GDAP2: variants seen among roughly 807,000 people sequenced by gnomAD.
GDAP2 encodes ganglioside-induced differentiation-associated protein 2.
Under a neutral mutation model 67.0 loss-of-function variants are expected in GDAP2, and 51 were observed. The ratio of observed to expected loss-of-function variants is 0.76; its 90% confidence interval spans 0.61 to 0.96. The LOEUF is 0.96. GDAP2 is among the 40% of genes least tolerant of loss of function. The pLI, the probability that GDAP2 is intolerant of heterozygous loss-of-function variation, is 0.00. For missense variants in GDAP2, 547 were observed against 588.3 expected (o/e 0.93, Z 0.73); for synonymous variants, 203 against 207.3 (o/e 0.98, Z 0.18).
At chr1:117,894,133 C>A (rs1649183684) in intron 8 of GDAP2, among the ~76,000 whole-genome samples, 1 of 151,690 alleles carries the variant, frequency 6.6e-6, no homozygotes, top group African/African-American at 2.4e-5. Context: ...AAAAATAAGT[C>A]TCAATAACAT....
At chr1:117,898,764 T>C (rs1286986628) in intron 7 of GDAP2, among the ~76,000 whole-genome samples, 3 of 152,230 alleles carry the variant, frequency 2.0e-5, no homozygotes, top group Non-Finnish European at 2.9e-5. Context: ...TAACGTACTT[T>C]ACTATCTCAA....
Position 117,883,622 on chromosome 1 carries a change from G to A in GDAP2, c.1113C>T (p.Leu371=), listed in dbSNP as rs1648747231. The A allele has an allele frequency of 6.2e-7, 1 of 1,600,308 alleles. No homozygotes were observed. The highest frequency in any genetic ancestry group is 8.6e-7 in the Non-Finnish European group (1 of 1,168,998). ...PVTLIDMDKA[L]LYFIHVMDHI... is the part of the protein sequence containing the mutation. ...GATCCATTACATGAATGAAATATAAGAGAGCCTAAAAGATAAAAGGGGAAT... is the reference window on the plus strand; with the variant it reads ...GATCCATTACATGAATGAAATATAAAAGAGCCTAAAAGATAAAAGGGGAAT... The change falls in exon 11 of 14, where the codon CTC becomes CTT. Residue 371 remains leucine (L), a synonymous_variant. Coordinates refer to ENST00000369443, the MANE Select transcript of GDAP2 (RefSeq NM_017686.4).
intron 8 of GDAP2, among the ~76,000 whole-genome samples, chr1:117,895,414 C>A (rs148828043): frequency 1.3e-5 from 2 of 152,014 alleles, no homozygotes; most frequent in African/African-American, 4.8e-5. Flanking sequence ...ACACTGCTAT[C>A]TTTCTCAATA....
intron 12 of GDAP2, among the ~76,000 whole-genome samples, chr1:117,880,236 C>A (rs1355099846): frequency 6.6e-6 from 1 of 151,992 alleles, no homozygotes; most frequent in East Asian, 1.9e-4. Context: ...GACTGAGAAG[C>A]AGCAGCTAGA....
At chr1:117,925,668 C>G (rs1044105961) in intron 1 of GDAP2, among the ~76,000 whole-genome samples, 1 of 152,276 alleles carries the variant, frequency 6.6e-6, no homozygotes, top group South Asian at 2.1e-4. Flanking sequence ...AGAATTTGGA[C>G]TCTGTTATCA....
At chr1:117,899,293 A>G (rs1649367326) in intron 6 of GDAP2, 77 bp from the exon 7 acceptor site, 3 of 957,180 alleles carry the variant, frequency 3.1e-6, no homozygotes, top group Admixed American at 1.8e-5. Flanking sequence ...AGTGCTGTTC[A>G]TACACTGTGA....
chr1:117,918,797 T>C (rs112768030), intron 2 of GDAP2, 61 bp from the exon 3 acceptor site: 12 of 1,319,848 alleles, frequency 9.1e-6, no homozygotes, highest in African/African-American at 4.4e-5. Flanking sequence ...ACCTAGTTTC[T>C]AATTATTTCA....
At position 117,920,346 on chromosome 1, in the gene GDAP2, T is replaced by C. The variant is rs1311834031; in HGVS notation, c.12A>G (p.Leu4=). ...CATCCACAAACTGGGAAGGTGCACCTAAGGGATCCATGGAATGGGAACTTT... is the reference window on the plus strand; with the variant it reads ...CATCCACAAACTGGGAAGGTGCACCCAAGGGATCCATGGAATGGGAACTTT... MDP[L]GAPSQFVDVD... is the part of the protein sequence containing the mutation. The change falls in exon 2 of 14, where the codon TTA becomes TTG. Residue 4 remains leucine, a synonymous_variant. Transcript: ENST00000369443. The C allele has an allele frequency of 2.5e-6, 4 of 1,596,682 alleles. No homozygotes were observed. In the Admixed American group the frequency reaches 7.1e-5, roughly 28 times the overall value.
rs1648203162 is a variant in GDAP2, at chr1:117,870,114, C to T, written c.*455G>A. On this transcript the variant is annotated 3_prime_UTR_variant, in exon 14 of 14. Coordinates refer to ENST00000369443, the MANE Select transcript of GDAP2 (RefSeq NM_017686.4). The stretch of plus-strand genomic sequence containing the variant: ...AGCCAAATTATCTTTATAAAATATA[C>T]ATGGTATTAACACCATGGATCTGAA... 1 of 153,446 alleles carries T rather than the reference C, an allele frequency of 6.5e-6. No individual in the cohort carries two copies. The highest frequency in any genetic ancestry group is 1.4e-5 in the Non-Finnish European group (1 of 69,024). The allele number at this position is 153,446 out of a possible 1,614,324, so 9.5% of individuals were successfully genotyped here. A position where few individuals can be genotyped will look rare whatever the true frequency, so the allele number is the denominator to read the frequency against.
chr1:117,888,435 G>C (rs1648945913), intron 8 of GDAP2, among the ~76,000 whole-genome samples: 3 of 152,124 alleles, frequency 2.0e-5, no homozygotes, highest in Admixed American at 2.0e-4. Context: ...AGCTGGAAGA[G>C]ACATTAAAGA....
Position 117,883,740 on chromosome 1 carries a change from C to T in GDAP2, c.1108-113G>A, listed in dbSNP as rs1434408244. 3.9e-5 allele frequency: 25 copies of T among 639,662 alleles called. No individual in the cohort carries two copies. The East Asian group carries it at 7.2e-4, about 18-fold the overall frequency. The allele number at this position is 639,662 out of a possible 1,614,324, so 39.6% of individuals were successfully genotyped here. ...ATAGAAAATTAACCTACTCTATGCC[C>T]TAGTCATCATAAATGGATAACTCAG... is the stretch of plus-strand genomic sequence containing the variant. On this transcript the variant is annotated intron_variant, in intron 10 of 13. Transcript: ENST00000369443.
intron 6 of GDAP2, among the ~76,000 whole-genome samples, chr1:117,905,498 A>G (rs1167092075): frequency 6.6e-6 from 1 of 152,122 alleles, no homozygotes; most frequent in East Asian, 1.9e-4. Flanking sequence ...ATCACTTCCT[A>G]TGGGAAGCAT....
chr1:117,884,116 A>G (rs532972148), intron 10 of GDAP2, among the ~76,000 whole-genome samples: 1 of 152,314 alleles, frequency 6.6e-6, no homozygotes, highest in Non-Finnish European at 1.5e-5. Context: ...CTATAAAAAG[A>G]TGTAATGAGT....
Position 117,870,513 on chromosome 1 carries a change from GCT to G in GDAP2, c.*54_*55del. 9.8e-7 allele frequency: 1 copy of G among 1,022,236 alleles called. No individual in the cohort carries two copies. The highest frequency in any genetic ancestry group is 2.4e-5 in the East Asian group (1 of 42,190). The allele number at this position is 1,022,236 out of a possible 1,614,324, so 63.3% of individuals were successfully genotyped here. A position where few individuals can be genotyped will look rare whatever the true frequency, so the allele number is the denominator to read the frequency against. On this transcript the variant is annotated 3_prime_UTR_variant, in exon 14 of 14. Coordinates refer to ENST00000369443, the MANE Select transcript of GDAP2 (RefSeq NM_017686.4). ...ACAATGAATATCACTTCAACAGGTA[GCT>G]ATTCGTGGAGGAAGTGGCATCCTGG...
chr1:117,883,268 A>G (rs1648730132), intron 11 of GDAP2: 1 of 433,880 alleles, frequency 2.3e-6, no homozygotes, highest in Non-Finnish European at 4.2e-6. Context: ...TTTATCCACA[A>G]AGATTGGTAA....
Position 117,866,858 on chromosome 1 carries a change from T to C in GDAP2, c.*3711A>G, listed in dbSNP as rs1236243874. 1 of 143,908 alleles carries C rather than the reference T, an allele frequency of 6.9e-6. No individual in the cohort carries two copies. The allele number at this position is 143,908 out of a possible 1,614,324, so 8.9% of individuals were successfully genotyped here. The stretch of plus-strand genomic sequence containing the variant: ...GACCAAAAAAAAAAAAAAAGTACAG[T>C]AAGGCCCTTTAAAAAAAAAAAAGAA... On this transcript the variant is annotated 3_prime_UTR_variant, in exon 14 of 14. Coordinates refer to ENST00000369443, the MANE Select transcript of GDAP2 (RefSeq NM_017686.4).
intron 8 of GDAP2, among the ~76,000 whole-genome samples, chr1:117,890,848 T>A (rs2101130661): frequency 6.6e-6 from 1 of 152,202 alleles, no homozygotes; most frequent in East Asian, 1.9e-4. Context: ...ATTGCTAACA[T>A]TCATCCGTAT....
rs1245419570 is a variant in GDAP2 at position 117,886,606 on chromosome 1, T to G, written c.1078A>C (p.Ile360Leu). ...TCCATATCTATTAATGTTACAGGAA[T>G]GTTTCTTCCAACTACCACCATCACT... ...RTVMVVVGRN[I>L]PVTLIDMDKA... The change falls in exon 10 of 14, where the codon ATT becomes CTT. Residue 360 changes from isoleucine to leucine, a missense_variant. Physicochemically the swap from Ile to Leu is conservative, Grantham distance 5. Coordinates refer to ENST00000369443, the MANE Select transcript of GDAP2 (RefSeq NM_017686.4). The G allele has an allele frequency of 6.3e-7, 1 of 1,584,494 alleles. No individual in the cohort carries two copies. The highest frequency in any genetic ancestry group is 1.7e-5 in the Admixed American group (1 of 59,970).
At position 117,878,012 on chromosome 1, in the gene GDAP2, G is replaced by A. The variant is rs1648523801; in HGVS notation, c.1443C>T (p.Ala481=). 1 of 1,612,612 alleles carries A rather than the reference G, an allele frequency of 6.2e-7. No homozygotes were observed. Among genetic ancestry groups the A allele is most frequent in the Admixed American group, 1.7e-5 (1 of 59,956 alleles). Residue 481 remains alanine, a synonymous_variant, in exon 13 of 14, where the codon GCC becomes GCT. Transcript: ENST00000369443. ...GAGAACTTCTGGTACTTCTTACCCT[G>A]GCATCATATTCAAGGACAAAAGGAG... ...DFPPFVLEYD[A]RENGPYYTSY... is the part of the protein sequence containing the mutation.
Sources: gnomAD v4.1 joint callset for allele counts (sites outside exome capture counted in the v4.1 genomes callset) on GRCh38, gnomAD v4.1.1 for gene constraint, MANE v1.5 for transcripts, NCBI Gene and HGNC (gene_info 2026-07-23, HGNC 2026-07-21) for gene names.